ZFPM2: variants seen among roughly 807,000 people sequenced by gnomAD.
ZFPM2 encodes the protein zinc finger protein, FOG family member 2.
Under a neutral mutation model 98.6 loss-of-function variants are expected in ZFPM2, and 20 were observed. The observed-to-expected ratio is 0.20, with a 90% CI of 0.14 to 0.29. The LOEUF (loss-of-function observed/expected upper bound fraction) is 0.29. Among genes scored for constraint, ZFPM2 ranks in the 10% least tolerant of loss-of-function variants. The pLI, the probability that ZFPM2 is intolerant of heterozygous loss-of-function variation, is 1.00. For missense variants in ZFPM2, 1,310 were observed against 1,388.6 expected, an observed-to-expected ratio of 0.94 and a Z score of 0.90; for synonymous variants, 518 against 502.7, an observed-to-expected ratio of 1.03 and a Z score of -0.41.
At chr8:105,525,049 C>T (rs1814145686) in intron 3 of ZFPM2, among the ~76,000 whole-genome samples, 1 of 152,194 alleles carries the variant, frequency 6.6e-6, no homozygotes, top group South Asian at 2.1e-4. Flanking sequence ...CAATCTTCTG[C>T]AGCAATTGAC....
chr8:105,648,382 A>G (rs560859229), intron 5 of ZFPM2, among the ~76,000 whole-genome samples: 9 of 152,232 alleles, frequency 5.9e-5, no homozygotes, highest in Admixed American at 2.0e-4. Context: ...CTTTAGTTTA[A>G]TTAGATTCCA....
In ZFPM2 at chr8:105,452,547, A is replaced by T. The variant is rs563062172; in HGVS notation, c.301+8166A>T. ...AGGATCTCTTGAGCCCAGAAGTTTGAGACCAACCTGGGCAATATTGTGTAA... is the reference window on the plus strand; with the variant it reads ...AGGATCTCTTGAGCCCAGAAGTTTGTGACCAACCTGGGCAATATTGTGTAA... On this transcript the variant is annotated intron_variant, in intron 3 of 7. Transcript: ENST00000407775. 6.8e-4 allele frequency among the ~76,000 whole-genome samples: 104 copies of T among 152,094 alleles called. 3 individuals carry two copies. The South Asian group carries it at 0.02, about 30-fold the overall frequency.
chr8:105,365,822 C>A (rs922850090), intron 1 of ZFPM2, among the ~76,000 whole-genome samples: 1 of 152,140 alleles, frequency 6.6e-6, no homozygotes, highest in Admixed American at 6.6e-5. Flanking sequence ...AGAGATTCCT[C>A]AGTTTGTTCG....
chr8:105,608,580 G>GTTTTTTTTTT (rs397978197), intron 4 of ZFPM2, among the ~76,000 whole-genome samples: 1 of 108,748 alleles, frequency 9.2e-6, no homozygotes, highest in Non-Finnish European at 1.8e-5. Context: ...AACACCAAGA[G>GTTTTTTTTTT]TTTTTTTTTT....
Position 105,416,926 on chromosome 8 carries a change from T to C in ZFPM2, c.41-2218T>C, listed in dbSNP as rs528597604. Reference sequence around the variant, plus strand: ...CATTTTCTAAGTTACCTATGTTTTATAGTTTTGTTTCTGAAGCAATGCATT... The same window carrying C: ...CATTTTCTAAGTTACCTATGTTTTACAGTTTTGTTTCTGAAGCAATGCATT... On this transcript the variant is annotated intron_variant, in intron 1 of 7. Transcript: ENST00000407775. Among the ~76,000 whole-genome samples the C allele has an allele frequency of 5.3e-5, 8 of 151,794 alleles. No homozygotes were observed. In the South Asian group the frequency reaches 1.4e-3, roughly 27 times the overall value.
chr8:105,329,361 G>C (rs1250957510), intron 1 of ZFPM2, among the ~76,000 whole-genome samples: 1 of 151,830 alleles, frequency 6.6e-6, no homozygotes, highest in Non-Finnish European at 1.5e-5. Flanking sequence ...CCTAACATTT[G>C]ATAGTCATTT....
At chr8:105,418,383 T>A (rs1487767778) in intron 1 of ZFPM2, among the ~76,000 whole-genome samples, 4 of 152,176 alleles carry the variant, frequency 2.6e-5, no homozygotes, top group African/African-American at 9.7e-5. Context: ...GTAGTCCACT[T>A]CAGATCGGTC....
intron 5 of ZFPM2, among the ~76,000 whole-genome samples, chr8:105,669,265 A>T (rs538546714): frequency 6.6e-6 from 1 of 152,110 alleles, no homozygotes. Context: ...CTTGTGATTT[A>T]TTCTGGTTAT....
chr8:105,729,386 T>A (rs1010250668), intron 5 of ZFPM2, among the ~76,000 whole-genome samples: 3 of 151,692 alleles, frequency 2.0e-5, no homozygotes, highest in Admixed American at 1.3e-4. Flanking sequence ...TGTGTCTTTT[T>A]TTTTGGCTTG....
At chr8:105,707,853 A>G (rs1811298400) in intron 5 of ZFPM2, among the ~76,000 whole-genome samples, 2 of 152,196 alleles carry the variant, frequency 1.3e-5, no homozygotes, top group African/African-American at 4.8e-5. Context: ...GGGAGAGTAG[A>G]GGCACCTTAC....
intron 1 of ZFPM2, among the ~76,000 whole-genome samples, chr8:105,374,346 T>C (rs1225958534): frequency 6.6e-6 from 1 of 152,172 alleles, no homozygotes; most frequent in African/African-American, 2.4e-5. Context: ...TACTTACCAA[T>C]AGTTTTAAGC....
intron 5 of ZFPM2, among the ~76,000 whole-genome samples, chr8:105,714,739 A>T (rs561256588): frequency 1.3e-3 from 203 of 152,116 alleles, no homozygotes; most frequent in Admixed American, 3.7e-3. Context: ...GGCCATAGTG[A>T]GAGTATTTAC....
At chr8:105,508,613 G>C (rs910487271) in intron 3 of ZFPM2, among the ~76,000 whole-genome samples, 25 of 152,008 alleles carry the variant, frequency 1.6e-4, no homozygotes, top group African/African-American at 6.0e-4. Context: ...CTGCTATTGT[G>C]AGCTGAGAAA....
intron 1 of ZFPM2, chr8:105,418,811 C>A: frequency 1.9e-6 from 1 of 524,558 alleles, no homozygotes; most frequent in Non-Finnish European, 3.7e-6. Flanking sequence ...ATAGTTAATT[C>A]TAACAAATGA....
chr8:105,740,527 G>A (rs1812186606), intron 5 of ZFPM2, among the ~76,000 whole-genome samples: 1 of 143,476 alleles, frequency 7.0e-6, no homozygotes, highest in Non-Finnish European at 1.5e-5. Context: ...GTGTGTGTAT[G>A]CATATATATA....
chr8:105,492,358 A>C (rs1813372028), intron 3 of ZFPM2, among the ~76,000 whole-genome samples: 1 of 152,202 alleles, frequency 6.6e-6, no homozygotes, highest in African/African-American at 2.4e-5. Context: ...CACTAAAGGT[A>C]ATTGCTGCCA....
At chr8:105,533,710 C>G (rs1814348192) in intron 3 of ZFPM2, among the ~76,000 whole-genome samples, 1 of 130,184 alleles carries the variant, frequency 7.7e-6, no homozygotes, top group African/African-American at 2.9e-5. Flanking sequence ...TCCCTCCCTC[C>G]TTACTTTCTC....
intron 4 of ZFPM2, among the ~76,000 whole-genome samples, chr8:105,610,956 A>T (rs926124598): frequency 6.6e-6 from 1 of 152,214 alleles, no homozygotes; most frequent in Admixed American, 6.5e-5. Flanking sequence ...CAGTTTCAGA[A>T]ATTACTCTCT....
At chr8:105,388,830 T>A (rs1177981013) in intron 1 of ZFPM2, among the ~76,000 whole-genome samples, 3 of 152,160 alleles carry the variant, frequency 2.0e-5, no homozygotes, top group Non-Finnish European at 4.4e-5. Context: ...GTGTGCTCAG[T>A]TCCCTGAAAT....
Sources: gnomAD v4.1 joint callset for allele counts (sites outside exome capture counted in the v4.1 genomes callset) on GRCh38, gnomAD v4.1.1 for gene constraint, MANE v1.5 for transcripts, NCBI Gene and HGNC (gene_info 2026-07-23, HGNC 2026-07-21) for gene names.